KCNH1: variants seen among roughly 807,000 people sequenced by gnomAD.
The protein encoded by KCNH1 is potassium voltage-gated channel subfamily H member 1, also known as voltage-gated delayed rectifier potassium channel KCNH1.
A neutral mutation model predicts 69.2 loss-of-function variants in KCNH1; 27 were observed. That is an observed-to-expected ratio of 0.39 (90% CI 0.29 to 0.54). KCNH1 has a LOEUF of 0.54. Ranked by LOEUF, KCNH1 falls within the 20% of genes least tolerant of loss-of-function variation. The probability of loss-of-function intolerance (pLI) is 0.68; values close to 1 mark genes in which losing one functional copy is unlikely to be tolerated. For missense variants in KCNH1, 798 were observed against 1,261.6 expected (o/e 0.63, Z 5.57); for synonymous variants, 456 against 487.7 (o/e 0.93, Z 0.86).
intron 10 of KCNH1, among the ~76,000 whole-genome samples, chr1:210,749,306 C>G (rs980976075): frequency 1.3e-5 from 2 of 152,168 alleles, no homozygotes; most frequent in Non-Finnish European, 2.9e-5. Context: ...AGAGAGGCTT[C>G]TGGGAGAGAT....
At chr1:210,748,391 G>A (rs940917980) in intron 10 of KCNH1, among the ~76,000 whole-genome samples, 2 of 152,128 alleles carry the variant, frequency 1.3e-5, no homozygotes, top group African/African-American at 4.8e-5. Flanking sequence ...AGCATTTACT[G>A]AGCAACTATT....
At chr1:210,694,482 T>A (rs772178466) in intron 10 of KCNH1, among the ~76,000 whole-genome samples, 1 of 152,174 alleles carries the variant, frequency 6.6e-6, no homozygotes, top group Non-Finnish European at 1.5e-5. Flanking sequence ...CCATCCATGC[T>A]GCCTGAGCCC....
chr1:210,843,911 C>T (rs17267234), intron 7 of KCNH1, among the ~76,000 whole-genome samples: 1,704 of 152,256 alleles, frequency 0.011, 14 homozygotes, highest in Non-Finnish European at 0.018. Flanking sequence ...TAGCAATTGA[C>T]TCTGAGTAAG....
intron 5 of KCNH1, among the ~76,000 whole-genome samples, chr1:211,035,727 G>A (rs1354978543): frequency 6.6e-6 from 1 of 152,098 alleles, no homozygotes; most frequent in Non-Finnish European, 1.5e-5. Context: ...AACAGAAGAT[G>A]GAAATTCCAT....
At chr1:211,001,194 A>C (rs557283790) in intron 6 of KCNH1, among the ~76,000 whole-genome samples, 1 of 152,372 alleles carries the variant, frequency 6.6e-6, no homozygotes, top group East Asian at 1.9e-4. Flanking sequence ...GCTTCTGCAC[A>C]GCAAAAGAAA....
At chr1:210,838,388 C>T (rs926042464) in intron 7 of KCNH1, among the ~76,000 whole-genome samples, 1 of 151,820 alleles carries the variant, frequency 6.6e-6, no homozygotes, top group Non-Finnish European at 1.5e-5. Flanking sequence ...ATATAAAACC[C>T]CTTCCTTACG....
At chr1:211,005,067 C>A (rs923323840) in intron 6 of KCNH1, among the ~76,000 whole-genome samples, 3 of 151,802 alleles carry the variant, frequency 2.0e-5, no homozygotes, top group Admixed American at 1.3e-4. Context: ...CAAATATAAT[C>A]AATATGAGGA....
At chr1:210,936,319 T>G (rs1313755384) in intron 6 of KCNH1, among the ~76,000 whole-genome samples, 4 of 152,176 alleles carry the variant, frequency 2.6e-5, no homozygotes. Context: ...GTAGAGAAAT[T>G]CCCAGCCTCA....
intron 5 of KCNH1, among the ~76,000 whole-genome samples, chr1:211,045,773 A>G (rs80040329): frequency 0.027 from 4,094 of 152,294 alleles, 100 homozygotes; most frequent in African/African-American, 0.056. Context: ...GCTATACTAT[A>G]TATCTCTAGG....
intron 7 of KCNH1, among the ~76,000 whole-genome samples, chr1:210,902,483 T>G (rs1164396010): frequency 6.6e-6 from 1 of 152,184 alleles, no homozygotes; most frequent in Non-Finnish European, 1.5e-5. Context: ...TGGCTCTGTT[T>G]TGAGGCTAAA....
chr1:210,855,667 G>C (rs538111100), intron 7 of KCNH1, among the ~76,000 whole-genome samples: 1 of 152,310 alleles, frequency 6.6e-6, no homozygotes, highest in Non-Finnish European at 1.5e-5. Context: ...AGGCTCATGT[G>C]CTATTTGGGG....
chr1:210,888,802 C>A (rs550903011), intron 7 of KCNH1, among the ~76,000 whole-genome samples: 16 of 152,188 alleles, frequency 1.1e-4, no homozygotes, highest in South Asian at 4.1e-4. Flanking sequence ...ACTAGAAAAT[C>A]TGGAAGTGGA....
intron 10 of KCNH1, among the ~76,000 whole-genome samples, chr1:210,766,265 C>T (rs1043995264): frequency 6.6e-6 from 1 of 152,094 alleles, no homozygotes; most frequent in Admixed American, 6.5e-5. Context: ...GTAGTTCCCG[C>T]CTGTAATCCC....
chr1:210,747,485 C>T (rs983535622), intron 10 of KCNH1, among the ~76,000 whole-genome samples: 1 of 152,112 alleles, frequency 6.6e-6, no homozygotes, highest in Non-Finnish European at 1.5e-5. Flanking sequence ...GTTTTAAATT[C>T]AGGTCCCATG....
intron 7 of KCNH1, chr1:210,859,867 A>G: frequency 1.7e-6 from 2 of 1,186,294 alleles, no homozygotes; most frequent in South Asian, 2.4e-5. Context: ...TTATTAGGGA[A>G]GTGAAGATTT....
At chr1:211,122,562 A>T (rs939032399) in intron 1 of KCNH1, among the ~76,000 whole-genome samples, 2 of 152,226 alleles carry the variant, frequency 1.3e-5, no homozygotes, top group Non-Finnish European at 2.9e-5. Flanking sequence ...AATAGCAAAG[A>T]TGTGGAACCA....
At chr1:211,048,211 G>A (rs986089181) in intron 5 of KCNH1, among the ~76,000 whole-genome samples, 1 of 152,098 alleles carries the variant, frequency 6.6e-6, no homozygotes, top group Non-Finnish European at 1.5e-5. Context: ...TGGTGAAAAG[G>A]GAACACTTTT....
At chr1:210,735,413 AGTGAGTGAGTGTGT>A (rs1296993823) in intron 10 of KCNH1, among the ~76,000 whole-genome samples, 6 of 121,534 alleles carry the variant, frequency 4.9e-5, no homozygotes, top group South Asian at 3.0e-4. Context: ...TGAGTGAATG[AGTGAGTGAGTGTGT>A]GTGTGTGTGT....
At chr1:210,714,887 T>G (rs1424014351) in intron 10 of KCNH1, among the ~76,000 whole-genome samples, 7 of 152,172 alleles carry the variant, frequency 4.6e-5, no homozygotes. Context: ...TAACCTCATT[T>G]TCCCCCAGCC....
Sources: gnomAD v4.1 joint callset for allele counts (sites outside exome capture counted in the v4.1 genomes callset) on GRCh38, gnomAD v4.1.1 for gene constraint, MANE v1.5 for transcripts, NCBI Gene and HGNC (gene_info 2026-07-23, HGNC 2026-07-21) for gene names.